Variants in FAF2 observed in about 807,000 individuals in gnomAD.
The protein encoded by FAF2 is Fas associated factor family member 2, also known as FAS-associated factor 2.
FAF2 carries 9 observed loss-of-function variants against 62.3 expected under a neutral mutation model. That is an observed-to-expected ratio of 0.14 (90% CI 0.09 to 0.25). The LOEUF (loss-of-function observed/expected upper bound fraction) is 0.25. Among genes scored for constraint, FAF2 ranks in the 10% least tolerant of loss-of-function variants. FAF2 has a pLI of 1.00. For missense variants in FAF2, 368 were observed against 556.2 expected, an observed-to-expected ratio of 0.66 and a Z score of 3.40; for synonymous variants, 202 against 198.0, an observed-to-expected ratio of 1.02 and a Z score of -0.17.
intron 1 of FAF2, among the ~76,000 whole-genome samples, chr5:176,472,249 C>T (rs986832193): frequency 2.6e-5 from 4 of 151,892 alleles, no homozygotes; most frequent in East Asian, 1.9e-4. Flanking sequence ...CGGGTTCAAG[C>T]GATTCTCCTG....
intron 1 of FAF2, among the ~76,000 whole-genome samples, chr5:176,477,823 G>A (rs1758729905): frequency 1.3e-5 from 2 of 152,140 alleles, no homozygotes; most frequent in South Asian, 4.1e-4. Flanking sequence ...CGTGGCCATG[G>A]GGTGCAGAAT....
At chr5:176,451,818 A>ATATATACG in intron 1 of FAF2, among the ~76,000 whole-genome samples, 1 of 9,606 alleles carries the variant, frequency 1.0e-4, no homozygotes, top group South Asian at 3.3e-3. Context: ...ATACACACAT[A>ATATATACG]TATATATATA....
chr5:176,486,228 C>T (rs1758872026), intron 2 of FAF2, 127 bp from the exon 3 acceptor site: 1 of 1,176,264 alleles, frequency 8.5e-7, no homozygotes, highest in Admixed American at 2.3e-5. Flanking sequence ...AAGGTGCACT[C>T]CTCAGTGACC....
chr5:176,488,577 C>CA (rs1420440013), intron 3 of FAF2, among the ~76,000 whole-genome samples: 1 of 151,876 alleles, frequency 6.6e-6, no homozygotes, highest in Non-Finnish European at 1.5e-5. Flanking sequence ...TGCATGCCAC[C>CA]ATGCCTGGCT....
chr5:176,456,019 T>C (rs1036092874), intron 1 of FAF2, among the ~76,000 whole-genome samples: 2 of 152,124 alleles, frequency 1.3e-5, no homozygotes, highest in African/African-American at 4.8e-5. Flanking sequence ...TATAGAGATA[T>C]GATTATATTA....
intron 2 of FAF2, among the ~76,000 whole-genome samples, chr5:176,480,113 C>T (rs1451570845): frequency 6.6e-6 from 1 of 152,162 alleles, no homozygotes; most frequent in Non-Finnish European, 1.5e-5. Flanking sequence ...GCTGTATTCC[C>T]AGCATATAAC....
intron 3 of FAF2, 88 bp from the exon 4 acceptor site, chr5:176,488,863 C>G: frequency 9.3e-7 from 1 of 1,071,354 alleles, no homozygotes. Context: ...ATGGAAGGAC[C>G]AAAAAGAGTG....
chr5:176,457,411 G>A (rs1379807523), intron 1 of FAF2, among the ~76,000 whole-genome samples: 7 of 151,864 alleles, frequency 4.6e-5, no homozygotes, highest in African/African-American at 1.5e-4. Context: ...GGCTGGTCTC[G>A]AACTCTTGAC....
chr5:176,498,885 TTCTTC>T, intron 8 of FAF2, 24 bp from the exon 9 acceptor site: 1 of 1,515,484 alleles, frequency 6.6e-7, no homozygotes. Flanking sequence ...AGTGCTGTTT[TTCTTC>T]TCTTGCTTTT....
chr5:176,455,073 G>A (rs1758259435), intron 1 of FAF2, among the ~76,000 whole-genome samples: 1 of 151,602 alleles, frequency 6.6e-6, no homozygotes, highest in Admixed American at 6.6e-5. Context: ...TGGGGAAATT[G>A]CTAAAAAAAA....
Position 176,448,441 on chromosome 5 carries a change from G to C in FAF2, c.34G>C (p.Glu12Gln). The C allele has an allele frequency of 6.2e-7, 1 of 1,606,718 alleles. No individual in the cohort carries two copies. Among genetic ancestry groups the C allele is most frequent in the Non-Finnish European group, 8.5e-7 (1 of 1,176,878 alleles). Residue 12 changes from glutamate to glutamine, a missense_variant, in exon 1 of 11, where the codon GAG (glutamate) becomes CAG (glutamine). Glu to Gln is a conservative substitution (Grantham distance 29, BLOSUM62 2). Transcript: ENST00000261942. ...GCCTGAGGAGCGGGATCTAACCCAG[G>C]AGCAGACAGAGAAGCTGCTGCAGTT... The part of the protein sequence containing the change: ...AAPEERDLTQ[E>Q]QTEKLLQFQD...
chr5:176,499,636 A>G (rs2113746273), intron 9 of FAF2, among the ~76,000 whole-genome samples: 1 of 151,204 alleles, frequency 6.6e-6, no homozygotes, highest in Middle Eastern at 3.4e-3. Context: ...TTTAAGAGAC[A>G]GGGTCTCACT....
At chr5:176,501,751 G>T (rs1441863696) in intron 10 of FAF2, among the ~76,000 whole-genome samples, 1 of 152,074 alleles carries the variant, frequency 6.6e-6, no homozygotes, top group Non-Finnish European at 1.5e-5. Flanking sequence ...AAGTGCTTAT[G>T]TCTCTAACTT....
At chr5:176,459,051 G>T (rs952950229) in intron 1 of FAF2, among the ~76,000 whole-genome samples, 1 of 152,034 alleles carries the variant, frequency 6.6e-6, no homozygotes, top group Admixed American at 6.6e-5. Flanking sequence ...GTTTTGGGGG[G>T]TTCAAACTGA....
In FAF2 at chr5:176,448,484, C is replaced by G. The variant is rs528100862; in HGVS notation, c.63+14C>G. 6.3e-7 allele frequency: 1 copy of G among 1,586,858 alleles called. No individual in the cohort carries two copies. The highest frequency in any genetic ancestry group is 1.8e-5 in the Admixed American group (1 of 55,070). On this transcript the variant is annotated intron_variant, in intron 1 of 10. Coordinates refer to ENST00000261942, the MANE Select transcript of FAF2 (RefSeq NM_014613.3). Reference sequence around the variant, plus strand: ...CTGCAGTTTCAGGTAGCAGCGAGTACTCGGTGCAGCAGATGCCTCCGTGGG... The same window carrying G: ...CTGCAGTTTCAGGTAGCAGCGAGTAGTCGGTGCAGCAGATGCCTCCGTGGG...
At chr5:176,499,643 C>T (rs1166316779) in intron 9 of FAF2, among the ~76,000 whole-genome samples, 1 of 151,448 alleles carries the variant, frequency 6.6e-6, no homozygotes, top group Non-Finnish European at 1.5e-5. Flanking sequence ...GACAGGGTCT[C>T]ACTGTGTTGC....
intron 7 of FAF2, 87 bp from the exon 8 acceptor site, chr5:176,496,399 G>T: frequency 9.2e-7 from 1 of 1,083,144 alleles, no homozygotes; most frequent in South Asian, 2.2e-5. Flanking sequence ...GATTAAAACA[G>T]TTCTCTCTCA....
chr5:176,483,515 A>C (rs1194160176), intron 2 of FAF2, among the ~76,000 whole-genome samples: 3 of 152,148 alleles, frequency 2.0e-5, no homozygotes, highest in Non-Finnish European at 4.4e-5. Context: ...ATTTGTTGAA[A>C]GATTATTCTT....
rs1476850730 is a variant in FAF2 at position 176,499,988 on chromosome 5, T to C, written c.1012-15T>C. On this transcript the variant is annotated splice_polypyrimidine_tract_variant and intron_variant, in intron 9 of 10. Transcript: ENST00000261942. ...TCTTGAGCTGTAGCCTCACCTTTGC[T>C]TTGTGTCTCTGCAGAATTTACAGGA... 1.2e-6 allele frequency: 2 copies of C among 1,614,014 alleles called. No individual in the cohort carries two copies. Among genetic ancestry groups the C allele is most frequent in the East Asian group, 4.5e-5 (2 of 44,870 alleles).
Sources: gnomAD v4.1 joint callset for allele counts (sites outside exome capture counted in the v4.1 genomes callset) on GRCh38, gnomAD v4.1.1 for gene constraint, MANE v1.5 for transcripts, NCBI Gene and HGNC (gene_info 2026-07-23, HGNC 2026-07-21) for gene names.